Variants in ENPP1 observed in about 807,000 individuals in gnomAD.
ENPP1 encodes the protein ectonucleotide pyrophosphatase/phosphodiesterase family member 1.
A neutral mutation model predicts 122.8 loss-of-function variants in ENPP1; 73 were observed. The observed-to-expected ratio is 0.59, with a 90% CI of 0.49 to 0.72. The LOEUF (loss-of-function observed/expected upper bound fraction) is 0.72. Ranked by LOEUF, ENPP1 falls within the 30% of genes least tolerant of loss-of-function variation. ENPP1 has a pLI of 0.00. For synonymous variants in ENPP1, 367 were observed against 391.6 expected, an observed-to-expected ratio of 0.94 and a Z score of 0.74; for missense variants, 978 against 1,128.1, an observed-to-expected ratio of 0.87 and a Z score of 1.91.
rs886061073 is a variant in ENPP1, at chr6:131,891,801, T to A, written c.*1290T>A. The A allele has an allele frequency of 1.3e-5, 2 of 151,602 alleles. No homozygotes were observed. Among genetic ancestry groups the A allele is most frequent in the South Asian group, 4.2e-4 (2 of 4,792 alleles). 9.4% of individuals were successfully genotyped at this position (151,602 alleles called of 1,614,324 possible). A position where few individuals can be genotyped will look rare whatever the true frequency, so the allele number is the denominator to read the frequency against. On this transcript the variant is annotated 3_prime_UTR_variant, in exon 25 of 25. Coordinates refer to ENST00000647893, the MANE Select transcript of ENPP1 (RefSeq NM_006208.3). ...CAGTTTCCTGAAGCTCTGTATATGATATTTTTTTCAGCCTGCTTCTCTCTG... is the reference window on the plus strand; with the variant it reads ...CAGTTTCCTGAAGCTCTGTATATGAAATTTTTTTCAGCCTGCTTCTCTCTG...
chr6:131,859,699 C>G (rs927130964), intron 7 of ENPP1, among the ~76,000 whole-genome samples: 3 of 152,060 alleles, frequency 2.0e-5, no homozygotes, highest in Non-Finnish European at 4.4e-5. Context: ...GACAAGGGCC[C>G]TGAGCTTTAC....
intron 1 of ENPP1, among the ~76,000 whole-genome samples, chr6:131,815,443 C>T (rs1781401623): frequency 6.6e-6 from 1 of 152,298 alleles, no homozygotes; most frequent in South Asian, 2.1e-4. Flanking sequence ...CCATTTGTAG[C>T]TCAGCTGTTT....
intron 1 of ENPP1, among the ~76,000 whole-genome samples, chr6:131,810,098 C>T (rs1451275753): frequency 2.0e-5 from 3 of 152,126 alleles, no homozygotes; most frequent in African/African-American, 7.2e-5. Flanking sequence ...GTGACTCATA[C>T]CTATTATCTC....
chr6:131,829,793 G>A (rs1781587877), intron 1 of ENPP1, among the ~76,000 whole-genome samples: 1 of 152,190 alleles, frequency 6.6e-6, no homozygotes, highest in South Asian at 2.1e-4. Flanking sequence ...GGGAGCTAGG[G>A]CTTCGCTGTA....
chr6:131,891,389 A>G lies in ENPP1; in HGVS notation c.*878A>G, dbSNP rs1232716726. On this transcript the variant is annotated 3_prime_UTR_variant, in exon 25 of 25. Transcript: ENST00000647893. ...ATGCTTAGAATGTTTCTTTCTGTGC[A>G]CAAGACTTACCCTACCAGCAGCAGA... is the stretch of plus-strand genomic sequence containing the variant. 1 of 152,146 alleles carries G rather than the reference A, an allele frequency of 6.6e-6. No individual in the cohort carries two copies. The highest frequency in any genetic ancestry group is 2.4e-5 in the African/African-American group (1 of 41,434). 9.4% of individuals were successfully genotyped at this position (152,146 alleles called of 1,614,324 possible).
chr6:131,884,858 G>T (rs1207307795), intron 22 of ENPP1, 73 bp from the exon 23 acceptor site: 3 of 1,476,576 alleles, frequency 2.0e-6, no homozygotes, highest in South Asian at 1.1e-5. Context: ...TTGAATCATG[G>T]TGTTAATTTA....
At chr6:131,858,631 T>A (rs765986314) in intron 6 of ENPP1, 37 bp from the exon 7 acceptor site, 27 of 1,338,920 alleles carry the variant, frequency 2.0e-5, no homozygotes, top group Non-Finnish European at 2.8e-5. Context: ...AATTGTCAGA[T>A]GTATTTAATA....
At chr6:131,870,267 C>T (rs7759102) in intron 13 of ENPP1, among the ~76,000 whole-genome samples, 4,058 of 152,226 alleles carry the variant, frequency 0.027, 204 homozygotes, top group African/African-American at 0.092. Context: ...TTCCTGTCCT[C>T]CCTTAAACCA....
intron 24 of ENPP1, among the ~76,000 whole-genome samples, chr6:131,888,873 A>G (rs55986453): frequency 0.046 from 6,993 of 152,250 alleles, 310 homozygotes; most frequent in African/African-American, 0.12. Context: ...ACCCCTTTGC[A>G]GTGGCTTAAG....
intron 15 of ENPP1, among the ~76,000 whole-genome samples, chr6:131,873,750 C>G (rs913588463): frequency 3.3e-5 from 5 of 151,732 alleles, no homozygotes; most frequent in Non-Finnish European, 7.4e-5. Context: ...AGCAGTGAAC[C>G]AAAATTCAGT....
At chr6:131,887,725 ATTTTTTTT>A (rs757759048) in intron 24 of ENPP1, among the ~76,000 whole-genome samples, 1 of 114,888 alleles carries the variant, frequency 8.7e-6, no homozygotes, top group African/African-American at 3.7e-5. Context: ...CACCCGGCTA[ATTTTTTTT>A]TTTTTTTTTT....
chr6:131,817,633 G>A (rs997527557), intron 1 of ENPP1, among the ~76,000 whole-genome samples: 9 of 152,068 alleles, frequency 5.9e-5, no homozygotes, highest in Admixed American at 3.3e-4. Flanking sequence ...AAAGGAGACC[G>A]AGGCAGGAGA....
intron 11 of ENPP1, among the ~76,000 whole-genome samples, chr6:131,865,364 C>CTTAT (rs1454564965): frequency 2.6e-5 from 4 of 152,246 alleles, no homozygotes; most frequent in East Asian, 3.9e-4. Context: ...TGAGACCATG[C>CTTAT]TTACAACAGA....
intron 18 of ENPP1, 86 bp downstream of exon 18, chr6:131,877,247 C>A: frequency 1.5e-6 from 2 of 1,341,310 alleles, no homozygotes; most frequent in East Asian, 2.5e-5. Context: ...ACTTAATAAT[C>A]AAATTAGAAT....
rs1161949511 is a variant in ENPP1 at position 131,891,383 on chromosome 6, C to T, written c.*872C>T. On this transcript the variant is annotated 3_prime_UTR_variant, in exon 25 of 25. Coordinates refer to ENST00000647893, the MANE Select transcript of ENPP1 (RefSeq NM_006208.3). The stretch of plus-strand genomic sequence containing the variant: ...ATTGAGATGCTTAGAATGTTTCTTT[C>T]TGTGCACAAGACTTACCCTACCAGC... The T allele has an allele frequency of 6.6e-6, 1 of 152,122 alleles. No homozygotes were observed. The highest frequency in any genetic ancestry group is 2.4e-5 in the African/African-American group (1 of 41,420). The allele number at this position is 152,122 out of a possible 1,614,324, so 9.4% of individuals were successfully genotyped here.
chr6:131,808,155 CG>C lies in ENPP1; in HGVS notation c.124del (p.Asp42ThrfsTer46). On this transcript the variant is annotated frameshift_variant, in exon 1 of 25. Transcript: ENST00000647893. LOFTEE classifies it high-confidence loss of function. ...GCCGCAGCCACGCTGCCGAGGCGCC[CG>C]GGGACCCGCAGGCGGCCGCGTCCTT... ...RGRSHAAEAPGDPQAAASLLA... is the reference protein window; with the variant it reads ...RGRSHAAEAPXDPQAAASLLA... 7 of 1,448,708 alleles carry C rather than the reference CG, an allele frequency of 4.8e-6. No homozygotes were observed. Among genetic ancestry groups the C allele is most frequent in the East Asian group, 3.0e-5 (1 of 33,152 alleles). The allele number at this position is 1,448,708 out of a possible 1,614,324, so 89.7% of individuals were successfully genotyped here.
intron 6 of ENPP1, 101 bp from the exon 7 acceptor site, chr6:131,858,567 A>T (rs1781978502): frequency 1.2e-5 from 9 of 760,702 alleles, no homozygotes; most frequent in Admixed American, 2.1e-5. Context: ...TCCTGGGCTA[A>T]TTTTTTTTAC....
rs542665736 is a variant in ENPP1 at position 131,880,436 on chromosome 6, C to T, written c.2100+402C>T. Among the ~76,000 whole-genome samples the T allele has an allele frequency of 7.8e-4, 119 of 151,824 alleles. 1 individual carries two copies. Among genetic ancestry groups the T allele is most frequent in the African/African-American group, 2.6e-3 (108 of 41,384 alleles). ...AAAATTAGCCGGGCGTGGTGGCGGGCGCCTGTAGTCCCAGCTACTCAGGAG... is the reference window on the plus strand; with the variant it reads ...AAAATTAGCCGGGCGTGGTGGCGGGTGCCTGTAGTCCCAGCTACTCAGGAG... On this transcript the variant is annotated intron_variant, in intron 20 of 24. Transcript: ENST00000647893.
At chr6:131,854,763 C>CT (rs748482335) in intron 5 of ENPP1, among the ~76,000 whole-genome samples, 163 bp from the exon 6 acceptor site, 1 of 152,066 alleles carries the variant, frequency 6.6e-6, no homozygotes, top group Non-Finnish European at 1.5e-5. Context: ...GTAAAACGTA[C>CT]TTTATAAGTA....
Sources: gnomAD v4.1 joint callset for allele counts (sites outside exome capture counted in the v4.1 genomes callset) on GRCh38, gnomAD v4.1.1 for gene constraint, MANE v1.5 for transcripts, NCBI Gene and HGNC (gene_info 2026-07-23, HGNC 2026-07-21) for gene names.